The following PLA2G4B variants were observed in gnomAD, a reference collection of about 807,000 sequenced individuals.
PLA2G4B encodes phospholipase A2 group IVB.
PLA2G4B carries 122 observed loss-of-function variants against 95.8 expected under a neutral mutation model. That is an observed-to-expected ratio of 1.27 (90% CI 1.10 to 1.48). The LOEUF is 1.48. Ranked by LOEUF, PLA2G4B falls within the 40% of genes most tolerant of loss-of-function variation. PLA2G4B has a pLI of 0.00. For synonymous variants in PLA2G4B, 518 were observed against 421.5 expected (o/e 1.23, Z -2.80); for missense variants, 1,158 against 996.2 (o/e 1.16, Z -2.19).
intron 9 of PLA2G4B, 21 bp from the exon 10 acceptor site, chr15:41,842,533 T>A: frequency 6.2e-7 from 1 of 1,611,446 alleles, no homozygotes; most frequent in Non-Finnish European, 8.5e-7. Flanking sequence ...CTTTTGTGAC[T>A]GGGGCCTTCA....
At position 41,847,339 on chromosome 15, in the gene PLA2G4B, G is replaced by A. The variant is rs139058598; in HGVS notation, c.1950G>A (p.Gln650=). The change falls in exon 19 of 20, where the codon CAG becomes CAA. Residue 650 remains glutamine (Q), a splice_region_variant and synonymous_variant. Transcript: ENST00000458483. ...AGCCCCTTCTGCCTGCCCTGCAGCA[G>A]TTGCAGCTCCTGGGCCGGTTCTGCC... ...LDYNLHGAFQ[Q]LQLLGRFCQE... is the part of the protein sequence containing the mutation. The A allele has an allele frequency of 6.9e-6, 11 of 1,598,806 alleles. No homozygotes were observed. The African/African-American group carries it at 1.2e-4, about 18-fold the overall frequency.
chr15:41,842,047 G>C, intron 8 of PLA2G4B, 98 bp downstream of exon 8: 2 of 1,557,624 alleles, frequency 1.3e-6, no homozygotes, highest in Non-Finnish European at 1.7e-6. Context: ...GGCAGAGTGG[G>C]CACCCTGGCA....
Position 41,844,942 on chromosome 15 carries a change from C to G in PLA2G4B, c.1111C>G (p.Leu371Val). 6.2e-7 allele frequency: 1 copy of G among 1,612,104 alleles called. No individual in the cohort carries two copies. Among genetic ancestry groups the G allele is most frequent in the Non-Finnish European group, 8.5e-7 (1 of 1,179,314 alleles). Residue 371 changes from leucine (L) to valine (V), a missense_variant, in exon 13 of 20, where the codon CTG (leucine) becomes GTG (valine). Physicochemically the swap from Leu to Val is conservative, Grantham distance 32 (BLOSUM62 1). Transcript: ENST00000458483. ...GAAGACCCAGGTGACCAAGAACAAG[C>G]TGGGTGTGCTGGCCCCCAGCCAGCT... is the stretch of plus-strand genomic sequence containing the variant. Reference protein sequence around the residue: ...LLKTQVTKNKLGVLAPSQLQR... With the variant: ...LLKTQVTKNKVGVLAPSQLQR...
At position 41,847,633 on chromosome 15, in the gene PLA2G4B, T is replaced by G. The variant is rs776012404; in HGVS notation, c.2135-16T>G. ...CCACAACGTGTTCCCCATGCCAGGC[T>G]GCACTCTCTCCACAGGGGTCCGGCG... is the stretch of plus-strand genomic sequence containing the variant. On this transcript the variant is annotated splice_polypyrimidine_tract_variant and intron_variant, in intron 19 of 19. Coordinates refer to ENST00000458483, the MANE Select transcript of PLA2G4B (RefSeq NM_001114633.2). 6 of 1,613,564 alleles carry G rather than the reference T, an allele frequency of 3.7e-6. No homozygotes were observed. In the South Asian group the frequency reaches 5.5e-5, roughly 15 times the overall value.
At chr15:41,838,958 C>T (rs1422486885) in intron 1 of PLA2G4B, 36 bp downstream of exon 1, 1 of 1,541,822 alleles carries the variant, frequency 6.5e-7, no homozygotes, top group African/African-American at 1.4e-5. Flanking sequence ...CCTACTGGGA[C>T]CCCTGGTCTC....
chr15:41,846,645 TTGC>T (rs764762179), intron 17 of PLA2G4B, 21 bp from the exon 18 acceptor site: 15 of 1,584,386 alleles, frequency 9.5e-6, no homozygotes, highest in Admixed American at 8.6e-5. Flanking sequence ...TCTGTGACAA[TTGC>T]TGCTCTCCCC....
At chr15:41,845,386 G>T (rs1371224430) in intron 14 of PLA2G4B, 66 bp downstream of exon 14, 7 of 1,561,688 alleles carry the variant, frequency 4.5e-6, no homozygotes, top group Non-Finnish European at 6.1e-6. Context: ...AACGAGGACT[G>T]TGTGCAGATT....
chr15:41,845,870 A>T, intron 15 of PLA2G4B, 73 bp from the exon 16 acceptor site: 8 of 1,520,374 alleles, frequency 5.3e-6, no homozygotes, highest in Non-Finnish European at 7.0e-6. Flanking sequence ...TTCCTGGGCC[A>T]GGACTGGCCA....
At chr15:41,842,028 G>T in intron 8 of PLA2G4B, 79 bp downstream of exon 8, 1 of 1,562,560 alleles carries the variant, frequency 6.4e-7, no homozygotes. Flanking sequence ...TCTGACCTCT[G>T]CTCCACCTGG....
In PLA2G4B at chr15:41,840,237, G is replaced by A. The variant is rs762264503; in HGVS notation, c.82+7G>A. 1.9e-6 allele frequency: 3 copies of A among 1,612,598 alleles called. No individual in the cohort carries two copies. Among genetic ancestry groups the A allele is most frequent in the South Asian group, 1.1e-5 (1 of 91,080 alleles). On this transcript the variant is annotated splice_region_variant and intron_variant, in intron 2 of 19. Coordinates refer to ENST00000458483, the MANE Select transcript of PLA2G4B (RefSeq NM_001114633.2). ...CTACCCTCTAAGGACCTAGGTGAGTGCGCACCGCCCTGGCCCCTGTGCTGG... is the reference window on the plus strand; with the variant it reads ...CTACCCTCTAAGGACCTAGGTGAGTACGCACCGCCCTGGCCCCTGTGCTGG...
Position 41,847,765 on chromosome 15 carries a change from C to T in PLA2G4B, c.2251C>T (p.His751Tyr). 2 of 1,610,016 alleles carry T rather than the reference C, an allele frequency of 1.2e-6. No homozygotes were observed. Among genetic ancestry groups the T allele is most frequent in the East Asian group, 2.2e-5 (1 of 44,892 alleles). The part of the protein sequence containing the change: ...YSQEDVDKLL[H>Y]LTHYNVCNNQ... ...CCAGGAGGACGTGGACAAGCTGCTG[C>T]ACCTGACACATTACAATGTCTGCAA... Residue 751 changes from histidine (H) to tyrosine (Y), a missense_variant, in exon 20 of 20, where the codon CAC (histidine) becomes TAC (tyrosine). His to Tyr is a moderately conservative substitution (Grantham distance 83, BLOSUM62 2). Coordinates refer to ENST00000458483, the MANE Select transcript of PLA2G4B (RefSeq NM_001114633.2).
rs200503779 is a variant in PLA2G4B at position 41,840,781 on chromosome 15, T to C, written c.227T>C (p.Met76Thr). ...CACTCTTTTCCCCTCCAGAATGTCATGGAACTGAAAGTCTTTGACCAGGAC... is the reference window on the plus strand; with the variant it reads ...CACTCTTTTCCCCTCCAGAATGTCACGGAACTGAAAGTCTTTGACCAGGAC... ...FRIHRQLKNV[M>T]ELKVFDQDLV... is the part of the protein sequence containing the mutation. The change falls in exon 4 of 20, where the codon ATG becomes ACG. Residue 76 changes from methionine (M) to threonine (T), a missense_variant. Met to Thr is a moderately conservative substitution (Grantham distance 81). Transcript: ENST00000458483. The C allele has an allele frequency of 2.7e-5, 44 of 1,613,666 alleles. No individual in the cohort carries two copies. Among genetic ancestry groups the C allele is most frequent in the Non-Finnish European group, 3.5e-5 (41 of 1,179,776 alleles).
intron 10 of PLA2G4B, 82 bp downstream of exon 10, chr15:41,842,673 G>A (rs1214949928): frequency 4.8e-5 from 71 of 1,472,110 alleles, no homozygotes; most frequent in Admixed American, 1.8e-4. Flanking sequence ...AGGAGTGAGG[G>A]GGAGAAACAG....
rs111464698 is a variant in PLA2G4B, at chr15:41,841,209, G to C, written c.393-22G>C. On this transcript the variant is annotated intron_variant, in intron 5 of 19. Coordinates refer to ENST00000458483, the MANE Select transcript of PLA2G4B (RefSeq NM_001114633.2). ...GTGGGAACCTGGACTCCTGCTAAGGGGGCTCTGGGGGCTCTTTCCAGGGCT... is the reference window on the plus strand; with the variant it reads ...GTGGGAACCTGGACTCCTGCTAAGGCGGCTCTGGGGGCTCTTTCCAGGGCT... The C allele has an allele frequency of 9.9e-6, 16 of 1,613,988 alleles. No individual in the cohort carries two copies. In the African/African-American group the frequency reaches 1.9e-4, roughly 19 times the overall value.
chr15:41,843,387 G>C (rs930357085), intron 10 of PLA2G4B, among the ~76,000 whole-genome samples: 4 of 152,142 alleles, frequency 2.6e-5, no homozygotes, highest in South Asian at 2.1e-4. Context: ...GGAGGGGGGG[G>C]ATCTATGGTA....
At chr15:41,840,731 T>C (rs2065413424) in intron 3 of PLA2G4B, 43 bp from the exon 4 acceptor site, 1 of 1,607,708 alleles carries the variant, frequency 6.2e-7, no homozygotes, top group Admixed American at 1.7e-5. Context: ...CTCACCTTTC[T>C]GTCCCCTCCC....
rs200327143 is a variant in PLA2G4B, at chr15:41,846,389, G to T, written c.1780+7G>T. The stretch of plus-strand genomic sequence containing the variant: ...CACTTCTCCACATGGAAAGGTACCT[G>T]CTTCTCTCCAAAGTCCTCCTGTGGC... On this transcript the variant is annotated splice_region_variant and intron_variant, in intron 17 of 19. Coordinates refer to ENST00000458483, the MANE Select transcript of PLA2G4B (RefSeq NM_001114633.2). The T allele has an allele frequency of 5.3e-5, 85 of 1,600,306 alleles. No homozygotes were observed. In the East Asian group the frequency reaches 1.7e-3, roughly 33 times the overall value.
At chr15:41,847,608 C>G (rs778621911) in intron 19 of PLA2G4B, 41 bp from the exon 20 acceptor site, 1 of 1,612,882 alleles carries the variant, frequency 6.2e-7, no homozygotes, top group Non-Finnish European at 8.5e-7. Flanking sequence ...CCTGTCTTCC[C>G]CACAACGTGT....
intron 5 of PLA2G4B, 46 bp from the exon 6 acceptor site, chr15:41,841,185 T>G: frequency 1.2e-6 from 2 of 1,613,758 alleles, no homozygotes; most frequent in South Asian, 2.2e-5. Flanking sequence ...CTCTGTGGGG[T>G]GGGAACCTGG....
Sources: allele counts gnomAD v4.1 joint callset (sites outside exome capture counted in the v4.1 genomes callset), GRCh38; gene constraint gnomAD v4.1.1; transcripts MANE v1.5; gene names NCBI Gene and HGNC (gene_info 2026-07-23, HGNC 2026-07-21).